The following DOCK8 variants were observed in gnomAD, a reference collection of about 807,000 sequenced individuals.
The protein encoded by DOCK8 is dedicator of cytokinesis protein 8.
A neutral mutation model predicts 245.6 loss-of-function variants in DOCK8; 141 were observed. The ratio of observed to expected loss-of-function variants is 0.57; its 90% CI spans 0.50 to 0.66. The LOEUF (loss-of-function observed/expected upper bound fraction) is 0.66, where lower values mean the gene tolerates loss of function less well. Among genes scored for constraint, DOCK8 ranks in the 30% least tolerant of loss-of-function variants. The pLI is 0.00. For missense variants in DOCK8, 2,965 were observed against 2,603.4 expected (o/e 1.14, Z -3.02); for synonymous variants, 1,168 against 970.2 (o/e 1.20, Z -3.79).
In DOCK8 at chr9:386,261, G is replaced by T; in HGVS notation, c.2779-70G>T. 3.7e-6 allele frequency: 5 copies of T among 1,334,390 alleles called. No homozygotes were observed. The South Asian group carries it at 5.9e-5, about 16-fold the overall frequency. 82.7% of individuals were successfully genotyped at this position (1,334,390 alleles called of 1,614,324 possible). Reference sequence around the variant, plus strand: ...GTATAAAAAAATGAATTCTGAGGTTGTGATTTCCAGATGTCTGGCTTACCT... The same window carrying T: ...GTATAAAAAAATGAATTCTGAGGTTTTGATTTCCAGATGTCTGGCTTACCT... On this transcript the variant is annotated intron_variant, in intron 22 of 47. Coordinates refer to ENST00000432829, the MANE Select transcript of DOCK8 (RefSeq NM_203447.4).
Position 440,580 on chromosome 9 carries a change from A to G in DOCK8, c.5224-706A>G, listed in dbSNP as rs150769486. 4.3e-3 allele frequency among the ~76,000 whole-genome samples: 656 copies of G among 152,274 alleles called. 5 individuals are homozygous for G. Among genetic ancestry groups the G allele is most frequent in the African/African-American group, 0.015 (613 of 41,532 alleles). On this transcript the variant is annotated intron_variant, in intron 40 of 47. Coordinates refer to ENST00000432829, the MANE Select transcript of DOCK8 (RefSeq NM_203447.4). ...TCTCATTTTTCCTCAAACTCAACAAAATGAATTAGAATCCTACTAACTCTT... is the reference window on the plus strand; with the variant it reads ...TCTCATTTTTCCTCAAACTCAACAAGATGAATTAGAATCCTACTAACTCTT...
chr9:251,972 CTTTTTT>C (rs34456943), intron 1 of DOCK8, among the ~76,000 whole-genome samples: 2 of 130,606 alleles, frequency 1.5e-5, no homozygotes, highest in Non-Finnish European at 3.2e-5. Flanking sequence ...ATTGTGTTTT[CTTTTTT>C]TTTTTTTTTT....
chr9:422,253 T>A, intron 33 of DOCK8, 118 bp downstream of exon 33: 2 of 859,166 alleles, frequency 2.3e-6, no homozygotes, highest in Non-Finnish European at 3.9e-6. Flanking sequence ...GAAACATCAT[T>A]ATCTGTGTAA....
chr9:400,094 TCACCAC>T (rs775962908), intron 26 of DOCK8, among the ~76,000 whole-genome samples: 5 of 20,976 alleles, frequency 2.4e-4, no homozygotes, highest in African/African-American at 8.4e-4. Flanking sequence ...ACCTCCACCA[TCACCAC>T]CACCACCTCC....
intron 1 of DOCK8, among the ~76,000 whole-genome samples, chr9:258,015 G>C (rs1188113180): frequency 6.6e-6 from 1 of 152,214 alleles, no homozygotes; most frequent in Non-Finnish European, 1.5e-5. Context: ...ATGGTCCTTA[G>C]CTTAGTTCAG....
chr9:340,083 C>T (rs1305913782), intron 13 of DOCK8, 76 bp from the exon 14 acceptor site: 1 of 1,517,940 alleles, frequency 6.6e-7, no homozygotes, highest in East Asian at 2.3e-5. Flanking sequence ...GAAAGAAACA[C>T]AGTGCAACAA....
chr9:269,291 A>G (rs761649089), intron 1 of DOCK8, among the ~76,000 whole-genome samples: 9 of 152,220 alleles, frequency 5.9e-5, no homozygotes, highest in Admixed American at 4.6e-4. Context: ...GGCATTTCAT[A>G]TAAAGAATCA....
intron 1 of DOCK8, among the ~76,000 whole-genome samples, chr9:262,578 A>G (rs189042268): frequency 1.3e-4 from 20 of 151,582 alleles, no homozygotes; most frequent in African/African-American, 4.6e-4. Flanking sequence ...CAGACCAAAA[A>G]AAGAGATATA....
At chr9:308,870 G>A (rs1246552056) in intron 5 of DOCK8, among the ~76,000 whole-genome samples, 1 of 152,148 alleles carries the variant, frequency 6.6e-6, no homozygotes, top group South Asian at 2.1e-4. Flanking sequence ...TGTTAGCCAG[G>A]ATGGTCTTGA....
At chr9:429,670 T>C (rs1057316184) in intron 35 of DOCK8, 32 bp from the exon 36 acceptor site, 2 of 1,613,882 alleles carry the variant, frequency 1.2e-6, no homozygotes, top group African/African-American at 2.7e-5. Flanking sequence ...AACTGCCAAG[T>C]GATGCCTAAT....
In DOCK8 at chr9:379,751, T is replaced by A. The variant is rs1245873161; in HGVS notation, c.2441-20T>A. 4 of 1,613,774 alleles carry A rather than the reference T, an allele frequency of 2.5e-6. No individual in the cohort carries two copies. Among genetic ancestry groups the A allele is most frequent in the Non-Finnish European group, 3.4e-6 (4 of 1,179,864 alleles). On this transcript the variant is annotated intron_variant, in intron 20 of 47. Transcript: ENST00000432829. ...TAAGGACCAGCTGTGGGACTACCCA[T>A]TTTTCTCTTGGTTCCTCAGCCAACT...
intron 44 of DOCK8, among the ~76,000 whole-genome samples, chr9:448,352 C>G (rs917081688): frequency 6.6e-6 from 1 of 152,316 alleles, no homozygotes; most frequent in East Asian, 1.9e-4. Flanking sequence ...AAACGATCCT[C>G]CTACCTCAGC....
In DOCK8 at chr9:446,540, A is replaced by G. The variant is rs1297445473; in HGVS notation, c.5751A>G (p.Thr1917=). ...TGCATGAGCAGTACAGAAGGAACAC[A>G]GTCCTGACCACTATGCACGCCTTCC... ...GELHEQYRRN[T]VLTTMHAFPY... The change falls in exon 44 of 48, where the codon ACA becomes ACG. Residue 1917 remains threonine, a synonymous_variant. Coordinates refer to ENST00000432829, the MANE Select transcript of DOCK8 (RefSeq NM_203447.4). The G allele has an allele frequency of 6.2e-7, 1 of 1,614,230 alleles. No homozygotes were observed. The highest frequency in any genetic ancestry group is 8.5e-7 in the Non-Finnish European group (1 of 1,180,038).
At chr9:268,832 G>A (rs2048092502) in intron 1 of DOCK8, among the ~76,000 whole-genome samples, 1 of 152,182 alleles carries the variant, frequency 6.6e-6, no homozygotes, top group Non-Finnish European at 1.5e-5. Context: ...GTCCTGTGGT[G>A]CCAAACACAA....
intron 39 of DOCK8, among the ~76,000 whole-genome samples, chr9:435,383 C>G (rs1263835138): frequency 6.6e-6 from 1 of 150,660 alleles, no homozygotes; most frequent in African/African-American, 2.5e-5. Context: ...TGAACCTCCC[C>G]GTAAAGCTGT....
chr9:282,120 G>T (rs540007792), intron 2 of DOCK8, among the ~76,000 whole-genome samples: 1 of 152,034 alleles, frequency 6.6e-6, no homozygotes, highest in Non-Finnish European at 1.5e-5. Context: ...CCAAATAATG[G>T]CATTATTTAC....
chr9:386,610 C>T (rs751025668), intron 23 of DOCK8, among the ~76,000 whole-genome samples, 184 bp downstream of exon 23: 27 of 152,208 alleles, frequency 1.8e-4, no homozygotes, highest in Non-Finnish European at 3.5e-4. Flanking sequence ...CACCTAATTG[C>T]CCATTAACTC....
At chr9:250,428 A>G (rs1461840932) in intron 1 of DOCK8, among the ~76,000 whole-genome samples, 3 of 152,204 alleles carry the variant, frequency 2.0e-5, no homozygotes, top group Non-Finnish European at 4.4e-5. Flanking sequence ...GAAAAAGACC[A>G]TTTACAATAA....
At chr9:438,691 C>A (rs1564069655) in intron 39 of DOCK8, among the ~76,000 whole-genome samples, 1 of 152,198 alleles carries the variant, frequency 6.6e-6, no homozygotes, top group Non-Finnish European at 1.5e-5. Flanking sequence ...GAAACAAATG[C>A]ATGGAAACAA....
Sources: gnomAD v4.1 joint callset for allele counts (sites outside exome capture counted in the v4.1 genomes callset) on GRCh38, gnomAD v4.1.1 for gene constraint, MANE v1.5 for transcripts, NCBI Gene and HGNC (gene_info 2026-07-23, HGNC 2026-07-21) for gene names.